TEX35: variants seen among roughly 807,000 people sequenced by gnomAD.
TEX35 encodes testis expressed 35.
A neutral mutation model predicts 31.9 loss-of-function variants in TEX35; 26 were observed. The ratio of observed to expected loss-of-function variants is 0.81; its 90% CI spans 0.60 to 1.13. The LOEUF is 1.13. TEX35 is among the 50% of genes most tolerant of loss of function. The pLI is 0.00. For synonymous variants in TEX35, 87 were observed against 90.7 expected (o/e 0.96, Z 0.23); for missense variants, 278 against 273.5 (o/e 1.02, Z -0.12).
In TEX35 at chr1:178,515,868, A is replaced by G; in HGVS notation, c.169A>G (p.Arg57Gly). 6.2e-7 allele frequency: 1 copy of G among 1,611,894 alleles called. No individual in the cohort carries two copies. ...CATTTTATTTCCTCAGAATGAACTCAGGGAAGTGAGAGAAGAGCTCAAGGA... is the reference window on the plus strand; with the variant it reads ...CATTTTATTTCCTCAGAATGAACTCGGGGAAGTGAGAGAAGAGCTCAAGGA... The part of the protein sequence containing the change: ...GVTQDLKNEL[R>G]EVREELKEKM... Residue 57 changes from arginine (R) to glycine (G), a missense_variant, in exon 4 of 9, where the codon AGG becomes GGG. Physicochemically the swap from Arg to Gly is moderately radical, Grantham distance 125. Coordinates refer to ENST00000319416, the MANE Select transcript of TEX35 (RefSeq NM_032126.5).
intron 2 of TEX35, 65 bp downstream of exon 2, chr1:178,514,142 G>C (rs1362440748): frequency 6.2e-7 from 1 of 1,613,076 alleles, no homozygotes; most frequent in Admixed American, 1.7e-5. Flanking sequence ...GTGACCAGGA[G>C]TCAGGGGTCA....
At chr1:178,513,941 G>C in intron 1 of TEX35, 86 bp from the exon 2 acceptor site, 2 of 1,510,536 alleles carry the variant, frequency 1.3e-6, no homozygotes, top group Non-Finnish European at 1.8e-6. Context: ...GGGGGGCAGG[G>C]GGCAGGGTTC....
At chr1:178,522,157 G>A in intron 8 of TEX35, 168 bp from the exon 9 acceptor site, 2 of 937,352 alleles carry the variant, frequency 2.1e-6, no homozygotes, top group Non-Finnish European at 1.5e-6. Flanking sequence ...GTGATGCAGG[G>A]AACCCCTCAG....
chr1:178,513,910 C>G, intron 1 of TEX35, 117 bp from the exon 2 acceptor site: 1 of 1,208,658 alleles, frequency 8.3e-7, no homozygotes, highest in Non-Finnish European at 1.2e-6. Flanking sequence ...GCCAGTTGGA[C>G]AGGCAGGGTT....
Position 178,520,786 on chromosome 1 carries a change from C to A in TEX35, c.455C>A (p.Ala152Glu). The A allele has an allele frequency of 6.2e-7, 1 of 1,614,168 alleles. No homozygotes were observed. The stretch of plus-strand genomic sequence containing the variant: ...GATGGAGCCAGTGGAGTCAATGGAG[C>A]ACCCTGTGCTCTTCACAAGAAGACG... ...KMDGASGVNG[A>E]PCALHKKTMA... Residue 152 changes from alanine to glutamate, a missense_variant, in exon 7 of 9, where the codon GCA becomes GAA. By Grantham distance (107) the Ala-to-Glu change is moderately radical. Coordinates refer to ENST00000319416, the MANE Select transcript of TEX35 (RefSeq NM_032126.5).
At chr1:178,515,245 C>T (rs1224795247) in intron 3 of TEX35, among the ~76,000 whole-genome samples, 1 of 152,118 alleles carries the variant, frequency 6.6e-6, no homozygotes, top group African/African-American at 2.4e-5. Flanking sequence ...GTATCTGGGA[C>T]TATAGGCGTG....
chr1:178,522,248 G>C, intron 8 of TEX35, 77 bp from the exon 9 acceptor site: 1 of 1,493,496 alleles, frequency 6.7e-7, no homozygotes, highest in Non-Finnish European at 9.0e-7. Context: ...ATAGGAACTG[G>C]GTAGCTTTCT....
chr1:178,513,202 G>A lies in TEX35; in HGVS notation c.14G>A (p.Arg5Lys). 1 of 1,614,222 alleles carries A rather than the reference G, an allele frequency of 6.2e-7. No individual in the cohort carries two copies. Reference protein sequence around the residue: MSAKRAELKKTHLSK... With the variant: MSAKKAELKKTHLSK... ...GCCTCCTCCATCATGTCGGCCAAGA[G>A]GGCAGAATTGAAGAAAACACATCTG... Residue 5 changes from arginine to lysine, a missense_variant, in exon 1 of 9, where the codon AGG becomes AAG. Transcript: ENST00000319416.
At chr1:178,514,577 C>A (rs1053667349) in intron 2 of TEX35, 123 bp from the exon 3 acceptor site, 1 of 937,118 alleles carries the variant, frequency 1.1e-6, no homozygotes, top group African/African-American at 1.7e-5. Context: ...GGTGGGGCCA[C>A]CAGCTTTCCT....
intron 3 of TEX35, among the ~76,000 whole-genome samples, chr1:178,515,342 G>C (rs927780911): frequency 2.0e-5 from 3 of 152,296 alleles, no homozygotes; most frequent in African/African-American, 7.2e-5. Context: ...CAGCTGATCT[G>C]TCTGCCTTGG....
In TEX35 at chr1:178,520,780, A is replaced by G. The variant is rs1650241847; in HGVS notation, c.449A>G (p.Asn150Ser). 1 of 1,614,198 alleles carries G rather than the reference A, an allele frequency of 6.2e-7. No individual in the cohort carries two copies. Among genetic ancestry groups the G allele is most frequent in the Non-Finnish European group, 8.5e-7 (1 of 1,180,032 alleles). Residue 150 changes from asparagine (N) to serine (S), a missense_variant, in exon 7 of 9, where the codon AAT (asparagine) becomes AGT (serine). Coordinates refer to ENST00000319416, the MANE Select transcript of TEX35 (RefSeq NM_032126.5). ...PKKMDGASGV[N>S]GAPCALHKKT... The stretch of plus-strand genomic sequence containing the variant: ...AAAATGGATGGAGCCAGTGGAGTCA[A>G]TGGAGCACCCTGTGCTCTTCACAAG...
At chr1:178,514,145 AGG>A in intron 2 of TEX35, 68 bp downstream of exon 2, 5 of 1,612,944 alleles carry the variant, frequency 3.1e-6, no homozygotes, top group Non-Finnish European at 3.4e-6. Flanking sequence ...ACCAGGAGTC[AGG>A]GGTCATTTGC....
chr1:178,518,394 G>C (rs764479925), intron 5 of TEX35, among the ~76,000 whole-genome samples: 5 of 151,830 alleles, frequency 3.3e-5, no homozygotes, highest in Non-Finnish European at 7.4e-5. Context: ...CGCCATCATG[G>C]GTATACATAA....
intron 5 of TEX35, among the ~76,000 whole-genome samples, chr1:178,517,165 A>G (rs1650108112): frequency 6.6e-6 from 1 of 152,246 alleles, no homozygotes; most frequent in African/African-American, 2.4e-5. Context: ...TGGCAAAAGC[A>G]AATAGGTACC....
downstream of TEX35, chr1:178,522,697 G>A (rs1229590825): frequency 1.5e-5 from 18 of 1,167,600 alleles, no homozygotes; most frequent in Non-Finnish European, 1.8e-5. Flanking sequence ...TGGGTTCATA[G>A]TAGGTGTATA....
chr1:178,520,428 C>T lies in TEX35; in HGVS notation c.333C>T (p.Asn111=). The stretch of plus-strand genomic sequence containing the variant: ...ACATTTTAATAAATACACAGAAGAA[C>T]TATAAGCTGTAAGTGTAACCTGCAC... ...KMDILINTQK[N]YKLPLRRAPK... The change falls in exon 6 of 9, where the codon AAC becomes AAT. Residue 111 remains asparagine (N), a synonymous_variant. Coordinates refer to ENST00000319416, the MANE Select transcript of TEX35 (RefSeq NM_032126.5). The T allele has an allele frequency of 1.2e-6, 2 of 1,614,088 alleles. No homozygotes were observed. Among genetic ancestry groups the T allele is most frequent in the East Asian group, 2.2e-5 (1 of 44,876 alleles).
At chr1:178,522,048 C>T (rs534238433) in intron 8 of TEX35, 20 of 652,506 alleles carry the variant, frequency 3.1e-5, no homozygotes, top group South Asian at 1.5e-4. Context: ...TGATAGCGGA[C>T]GCCAGTCTGT....
Position 178,521,900 on chromosome 1 carries a change from C to T in TEX35, c.587-425C>T. ...GTTCTATATCAGTGTATTTCAGACTCCAACCCTTCCCCCTGCTTCCTGATG... is the reference window on the plus strand; with the variant it reads ...GTTCTATATCAGTGTATTTCAGACTTCAACCCTTCCCCCTGCTTCCTGATG... On this transcript the variant is annotated intron_variant, in intron 8 of 8. Transcript: ENST00000319416. The T allele has an allele frequency of 3.7e-6, 5 of 1,362,792 alleles. No individual in the cohort carries two copies. In the South Asian group the frequency reaches 7.7e-5, roughly 21 times the overall value. The allele number at this position is 1,362,792 out of a possible 1,614,324, so 84.4% of individuals were successfully genotyped here. A position where few individuals can be genotyped will look rare whatever the true frequency, so the allele number is the denominator to read the frequency against.
intron 8 of TEX35, 138 bp downstream of exon 8, chr1:178,521,402 A>C: frequency 9.0e-7 from 1 of 1,114,694 alleles, no homozygotes; most frequent in Non-Finnish European, 1.4e-6. Context: ...AGATGCTGCC[A>C]CCCAGCATGC....
Sources: allele counts gnomAD v4.1 joint callset (sites outside exome capture counted in the v4.1 genomes callset), GRCh38; gene constraint gnomAD v4.1.1; transcripts MANE v1.5; gene names NCBI Gene and HGNC (gene_info 2026-07-23, HGNC 2026-07-21).